Variants in BANF2 observed in about 807,000 individuals in gnomAD.
BANF2 encodes BANF family member 2, also known as barrier-to-autointegration factor-like protein.
A neutral mutation model predicts 8.0 loss-of-function variants in BANF2; 4 were observed. The ratio of observed to expected loss-of-function variants is 0.50; its 90% CI spans 0.25 to 1.14. The LOEUF (loss-of-function observed/expected upper bound fraction) is 1.14. Among genes scored for constraint, BANF2 ranks in the 50% most tolerant of loss-of-function variants. BANF2 has a pLI of 0.16. For synonymous variants in BANF2, 50 were observed against 40.6 expected, an observed-to-expected ratio of 1.23 and a Z score of -0.88; for missense variants, 96 against 107.5, an observed-to-expected ratio of 0.89 and a Z score of 0.47.
chr20:17,695,445 C>CA (rs71192401), upstream of BANF2, among the ~76,000 whole-genome samples: 5,291 of 51,078 alleles, frequency 0.1, 689 homozygotes, highest in Middle Eastern at 0.13. Flanking sequence ...GACCTTGTCT[C>CA]AAAAAAAAAA....
chr20:17,726,181 ATTAT>A (rs553868765), intron 3 of BANF2, among the ~76,000 whole-genome samples: 5 of 151,926 alleles, frequency 3.3e-5, no homozygotes, highest in African/African-American at 1.2e-4. Context: ...TTGTACTTTT[ATTAT>A]TTATTTATTT....
intron 1 of BANF2, among the ~76,000 whole-genome samples, chr20:17,702,283 G>T (rs2037420262): frequency 3.3e-5 from 5 of 152,224 alleles, no homozygotes. Context: ...TTGCCCTGAT[G>T]GATGCTGAAC....
chr20:17,733,101 G>T (rs1314289293), intron 3 of BANF2, among the ~76,000 whole-genome samples: 1 of 152,238 alleles, frequency 6.6e-6, no homozygotes, highest in Non-Finnish European at 1.5e-5. Context: ...TTCCTGGAAA[G>T]TTTGCCCAGG....
In BANF2 at chr20:17,734,277, A is replaced by AT. The variant is rs1342720236; in HGVS notation, c.127-1382dup. Among the ~76,000 whole-genome samples, 4 of 152,302 alleles carry AT rather than the reference A, an allele frequency of 2.6e-5. No individual in the cohort carries two copies. The East Asian group carries it at 7.7e-4, about 29-fold the overall frequency. On this transcript the variant is annotated intron_variant, in intron 3 of 3. Transcript: ENST00000246090. ...TGCACTGAGTGCTTATCTTCCATGT[A>AT]TTTTTTATCCACAGAGACTGAGGAA... is the stretch of plus-strand genomic sequence containing the variant.
At chr20:17,711,856 G>A (rs2037578466) in intron 1 of BANF2, among the ~76,000 whole-genome samples, 1 of 152,196 alleles carries the variant, frequency 6.6e-6, no homozygotes, top group South Asian at 2.1e-4. Flanking sequence ...GGCACCAATG[G>A]CACCTACTAC....
chr20:17,694,964 C>T (rs1280779880), upstream of BANF2, among the ~76,000 whole-genome samples: 8 of 151,820 alleles, frequency 5.3e-5, no homozygotes, highest in Non-Finnish European at 4.4e-5. Context: ...TCAATCATCC[C>T]AACAAACTGA....
At chr20:17,698,552 C>T (rs563375725), upstream of BANF2, among the ~76,000 whole-genome samples, 1 of 152,308 alleles carries the variant, frequency 6.6e-6, no homozygotes, top group Non-Finnish European at 1.5e-5. Context: ...AGGGAGGGAG[C>T]TGGGTTATTT....
intron 1 of BANF2, among the ~76,000 whole-genome samples, chr20:17,702,208 C>A (rs2122567450): frequency 6.6e-6 from 1 of 152,314 alleles, no homozygotes; most frequent in South Asian, 2.1e-4. Context: ...CTTAGCCTTT[C>A]CCTAAGGCAA....
intron 3 of BANF2, among the ~76,000 whole-genome samples, chr20:17,727,591 C>A (rs1435632214): frequency 6.6e-6 from 1 of 151,828 alleles, no homozygotes; most frequent in Non-Finnish European, 1.5e-5. Flanking sequence ...CAGATGCGGC[C>A]CCTCCGAGAT....
Position 17,725,061 on chromosome 20 carries a change from C to G in BANF2, c.36C>G (p.Leu12=), listed in dbSNP as rs751202208. The G allele has an allele frequency of 2.5e-6, 4 of 1,608,708 alleles. No homozygotes were observed. In the Admixed American group the frequency reaches 5.0e-5, roughly 20 times the overall value. The change falls in exon 3 of 4, where the codon CTC becomes CTG. Residue 12 remains leucine, a synonymous_variant. Coordinates refer to ENST00000246090, the MANE Select transcript of BANF2 (RefSeq NM_178477.5). ...TGTCTCCCAGGCTGAGAGCCTTCCT[C>G]TCCGAACCCATTGGAGAAAAGGATG... is the stretch of plus-strand genomic sequence containing the variant. The part of the protein sequence containing the change: ...DNMSPRLRAF[L]SEPIGEKDVC...
At chr20:17,719,030 G>A (rs949675236) in intron 1 of BANF2, among the ~76,000 whole-genome samples, 2 of 152,210 alleles carry the variant, frequency 1.3e-5, no homozygotes, top group African/African-American at 2.4e-5. Context: ...CTCGCCCGGG[G>A]TTACAAGAGG....
At chr20:17,720,925 T>G (rs1255625394) in intron 1 of BANF2, among the ~76,000 whole-genome samples, 1 of 152,206 alleles carries the variant, frequency 6.6e-6, no homozygotes, top group Non-Finnish European at 1.5e-5. Context: ...TGGTCACACA[T>G]GCAGTATCTG....
At position 17,703,259 on chromosome 20, in the gene BANF2, G is replaced by A. The variant is rs573568406; in HGVS notation, c.-167+3204G>A. 6.6e-5 allele frequency among the ~76,000 whole-genome samples: 10 copies of A among 152,238 alleles called. No homozygotes were observed. In the East Asian group the frequency reaches 9.6e-4, roughly 15 times the overall value. On this transcript the variant is annotated intron_variant, in intron 1 of 3. Coordinates refer to ENST00000246090, the MANE Select transcript of BANF2 (RefSeq NM_178477.5). ...TTGCTCCTTATCTCTCTGAAGTTAC[G>A]TTTGTGTGTTTTCTTGTCTACTGCC...
chr20:17,712,916 G>T, intron 1 of BANF2, among the ~76,000 whole-genome samples: 1 of 150,694 alleles, frequency 6.6e-6, no homozygotes, highest in East Asian at 1.9e-4. Flanking sequence ...GGAGCAAAAT[G>T]TGGTGTATAC....
At chr20:17,716,365 G>T (rs891654808) in intron 1 of BANF2, among the ~76,000 whole-genome samples, 4 of 151,804 alleles carry the variant, frequency 2.6e-5, no homozygotes, top group Non-Finnish European at 5.9e-5. Context: ...TTTTGAGACA[G>T]GGTCTCCCCT....
intron 3 of BANF2, among the ~76,000 whole-genome samples, chr20:17,733,100 A>C (rs913771412): frequency 2.6e-5 from 4 of 152,196 alleles, no homozygotes; most frequent in Non-Finnish European, 5.9e-5. Flanking sequence ...ATTCCTGGAA[A>C]GTTTGCCCAG....
At chr20:17,706,095 G>A (rs1202150577) in intron 1 of BANF2, among the ~76,000 whole-genome samples, 3 of 152,186 alleles carry the variant, frequency 2.0e-5, no homozygotes, top group African/African-American at 7.2e-5. Context: ...GCAAGGTGAC[G>A]GCATAGATGA....
intron 3 of BANF2, among the ~76,000 whole-genome samples, chr20:17,727,432 G>A (rs956323944): frequency 3.3e-5 from 5 of 152,216 alleles, no homozygotes; most frequent in East Asian, 1.9e-4. Context: ...TGGAGCAGCC[G>A]TGGATTGTAC....
chr20:17,728,805 G>C (rs915300606), intron 3 of BANF2, among the ~76,000 whole-genome samples: 1 of 152,084 alleles, frequency 6.6e-6, no homozygotes, highest in Non-Finnish European at 1.5e-5. Context: ...TGTGGCCTGA[G>C]GATCTAGATC....
Sources: allele counts gnomAD v4.1 joint callset (sites outside exome capture counted in the v4.1 genomes callset), GRCh38; gene constraint gnomAD v4.1.1; transcripts MANE v1.5; gene names NCBI Gene and HGNC (gene_info 2026-07-23, HGNC 2026-07-21).